KRTAP5-4: variants seen among roughly 807,000 people sequenced by gnomAD.
The protein encoded by KRTAP5-4 is keratin-associated protein 5-4.
A neutral mutation model predicts 2.6 loss-of-function variants in KRTAP5-4; 1 was observed. That is an observed-to-expected ratio of 0.39 (90% CI 0.14 to 1.85). The LOEUF is 1.85. KRTAP5-4 is among the 40% of genes most tolerant of loss of function. The pLI is 0.32. For synonymous variants in KRTAP5-4, 83 were observed against 113.1 expected, an observed-to-expected ratio of 0.73 and a Z score of 1.69; for missense variants, 195 against 276.9, an observed-to-expected ratio of 0.70 and a Z score of 2.10.
chr11:1,621,649 A>G lies in KRTAP5-4; in HGVS notation c.445T>C (p.Ser149Pro). 1 of 1,605,198 alleles carries G rather than the reference A, an allele frequency of 6.2e-7. No homozygotes were observed. The highest frequency in any genetic ancestry group is 8.5e-7 in the Non-Finnish European group (1 of 1,174,232). ...TGGCAGCAGGATGACCCACAGCCTGAAGAGAAGCAGCAGGGCTTACAGCAG... is the reference window on the plus strand; with the variant it reads ...TGGCAGCAGGATGACCCACAGCCTGGAGAGAAGCAGCAGGGCTTACAGCAG... ...CSCCKPCCFS[S>P]GCGSSCCQSS... is the part of the protein sequence containing the mutation. Residue 149 changes from serine to proline, a missense_variant, in exon 1 of 1, where the codon TCA (serine) becomes CCA (proline). Ser to Pro is a moderately conservative substitution (Grantham distance 74, BLOSUM62 -1). Coordinates refer to ENST00000399682, the MANE Select transcript of KRTAP5-4 (RefSeq NM_001347674.1).
At position 1,621,960 on chromosome 11, in the gene KRTAP5-4, C is replaced by A. The variant is rs753579543; in HGVS notation, c.134G>T (p.Cys45Phe). 1 of 1,583,742 alleles carries A rather than the reference C, an allele frequency of 6.3e-7. No individual in the cohort carries two copies. Among genetic ancestry groups the A allele is most frequent in the South Asian group, 1.1e-5 (1 of 90,172 alleles). The change falls in exon 1 of 1, where the codon TGT becomes TTT. Residue 45 changes from cysteine (C) to phenylalanine (F), a missense_variant. Cys to Phe is a radical substitution (Grantham distance 205). Coordinates refer to ENST00000399682, the MANE Select transcript of KRTAP5-4 (RefSeq NM_001347674.1). Reference sequence around the variant, plus strand: ...GATGGGCACACAGCAGCTGGAGCCACAGCCCCCACAGCCGGAGCCACAGCC... The same window carrying A: ...GATGGGCACACAGCAGCTGGAGCCAAAGCCCCCACAGCCGGAGCCACAGCC... ...CGGCGSGCGGCGSSCCVPICC... is the reference protein window; with the variant it reads ...CGGCGSGCGGFGSSCCVPICC...
Position 1,621,510 on chromosome 11 carries a change from G to T in KRTAP5-4, c.584C>A (p.Ser195Tyr). 6.2e-7 allele frequency: 1 copy of T among 1,612,724 alleles called. No homozygotes were observed. Among genetic ancestry groups the T allele is most frequent in the Non-Finnish European group, 8.5e-7 (1 of 1,179,528 alleles). The change falls in exon 1 of 1, where the codon TCC becomes TAC. Residue 195 changes from serine to tyrosine, a missense_variant. Coordinates refer to ENST00000399682, the MANE Select transcript of KRTAP5-4 (RefSeq NM_001347674.1). ...GCAGGATGACCCACAACCTGAGGAGGAGCAGCAGGGCTTACAGCAGCTGGA... is the reference window on the plus strand; with the variant it reads ...GCAGGATGACCCACAACCTGAGGAGTAGCAGCAGGGCTTACAGCAGCTGGA... ...CQSSCCKPCC[S>Y]SSGCGSSCCQ...
rs749761560 is a variant in KRTAP5-4, at chr11:1,621,352, C to T, written c.*55G>A. 2 of 1,605,186 alleles carry T rather than the reference C, an allele frequency of 1.2e-6. No homozygotes were observed. The highest frequency in any genetic ancestry group is 1.3e-5 in the African/African-American group (1 of 74,802). On this transcript the variant is annotated 3_prime_UTR_variant, in exon 1 of 1. Transcript: ENST00000399682. ...TGGGGCTCAACAATGAAGGACAGGT[C>T]ACAGCTTTGGAAGACAGGATTAGCA...
At position 1,621,848 on chromosome 11, in the gene KRTAP5-4, G is replaced by A. The variant is rs534273229; in HGVS notation, c.246C>T (p.Gly82=). 163 of 1,560,730 alleles carry A rather than the reference G, an allele frequency of 1.0e-4. No homozygotes were observed. In the African/African-American group the frequency reaches 2.1e-3, roughly 21 times the overall value. The change falls in exon 1 of 1, where the codon GGC becomes GGT. Residue 82 remains glycine (G), a synonymous_variant. Coordinates refer to ENST00000399682, the MANE Select transcript of KRTAP5-4 (RefSeq NM_001347674.1). ...AGCCCCCCTTGGAACCCCCACAAGA[G>A]CCATAGCCCCCCTTGGAGCCCCCAC... ...GSCGGSKGGY[G]SCGGSKGGCV... is the part of the protein sequence containing the mutation.
At position 1,621,794 on chromosome 11, in the gene KRTAP5-4, G is replaced by GC. The variant is rs752586291; in HGVS notation, c.299dup (p.Cys101LeufsTer43). ...CCTTGGAGCCCCCACAGGAGCCACA[G>GC]CCCCCCTTGGAACCCCCACAGGAGA... On this transcript the variant is annotated frameshift_variant, in exon 1 of 1. Coordinates refer to ENST00000399682, the MANE Select transcript of KRTAP5-4 (RefSeq NM_001347674.1). LOFTEE classifies it low-confidence loss of function (END_TRUNC). 1.3e-6 allele frequency: 2 copies of GC among 1,556,138 alleles called. No homozygotes were observed. Among genetic ancestry groups the GC allele is most frequent in the Non-Finnish European group, 1.7e-6 (2 of 1,153,588 alleles).
rs572938111 is a variant in KRTAP5-4, at chr11:1,621,977, G to A, written c.117C>T (p.Gly39=). The A allele has an allele frequency of 7.0e-6, 11 of 1,575,814 alleles. No individual in the cohort carries two copies. The highest frequency in any genetic ancestry group is 9.5e-6 in the Non-Finnish European group (11 of 1,156,752). Residue 39 remains glycine (G), a synonymous_variant, in exon 1 of 1, where the codon GGC becomes GGT. Transcript: ENST00000399682. ...TGGAGCCACAGCCCCCACAGCCGGA[G>A]CCACAGCCCCCACAGCCGGAGCCAC... The part of the protein sequence containing the change: ...GGCGSGCGGC[G]SGCGGCGSSC...
In KRTAP5-4 at chr11:1,621,251, G is replaced by A. The variant is rs138375927; in HGVS notation, c.*156C>T. On this transcript the variant is annotated 3_prime_UTR_variant, in exon 1 of 1. Transcript: ENST00000399682. ...TAGGAGAGACAATGGACATTAATTA[G>A]GGTGGACTCTTCTTAGGAAAAGGCA... is the stretch of plus-strand genomic sequence containing the variant. The A allele has an allele frequency of 7.2e-7, 1 of 1,386,064 alleles. No individual in the cohort carries two copies. Among genetic ancestry groups the A allele is most frequent in the East Asian group, 2.4e-5 (1 of 41,116 alleles). 85.9% of individuals were successfully genotyped at this position (1,386,064 alleles called of 1,614,324 possible).
chr11:1,621,177 T>G lies in KRTAP5-4; in HGVS notation c.*230A>C. The G allele has an allele frequency of 3.6e-6, 3 of 826,894 alleles. No homozygotes were observed. Among genetic ancestry groups the G allele is most frequent in the Non-Finnish European group, 5.5e-6 (3 of 541,820 alleles). 51.2% of individuals were successfully genotyped at this position (826,894 alleles called of 1,614,324 possible). ...GATGAGCAAAGGCGAGGCTAGTGGG[T>G]GAGGGGTGATTCAGCTGCAATTGCA... On this transcript the variant is annotated 3_prime_UTR_variant, in exon 1 of 1. Coordinates refer to ENST00000399682, the MANE Select transcript of KRTAP5-4 (RefSeq NM_001347674.1).
rs745670992 is a variant in KRTAP5-4 at position 1,621,825 on chromosome 11, C to T, written c.269G>A (p.Gly90Asp). The change falls in exon 1 of 1, where the codon GGC (glycine) becomes GAC (aspartate). Residue 90 changes from glycine (G) to aspartate (D), a missense_variant. By Grantham distance (94) the Gly-to-Asp change is moderately conservative. Transcript: ENST00000399682. The part of the protein sequence containing the change: ...GYGSCGGSKG[G>D]CVSCGGSKGG... ...CTTGGAACCCCCACAGGAGACACAGCCCCCCTTGGAACCCCCACAAGAGCC... is the reference window on the plus strand; with the variant it reads ...CTTGGAACCCCCACAGGAGACACAGTCCCCCTTGGAACCCCCACAAGAGCC... The T allele has an allele frequency of 2.0e-6, 3 of 1,531,978 alleles. No individual in the cohort carries two copies. Among genetic ancestry groups the T allele is most frequent in the Non-Finnish European group, 2.6e-6 (3 of 1,133,236 alleles). The allele number at this position is 1,531,978 out of a possible 1,614,324, so 94.9% of individuals were successfully genotyped here.
In KRTAP5-4 at chr11:1,622,094, G is replaced by C. The variant is rs755754937; in HGVS notation, c.-1C>G. On this transcript the variant is annotated 5_prime_UTR_variant, in exon 1 of 1. Coordinates refer to ENST00000399682, the MANE Select transcript of KRTAP5-4 (RefSeq NM_001347674.1). ...CTCCAGAGCAGCCACAGCAGCCCATGGTTCTGGTGGATTGAGGGTGGAGCA... is the reference window on the plus strand; with the variant it reads ...CTCCAGAGCAGCCACAGCAGCCCATCGTTCTGGTGGATTGAGGGTGGAGCA... 1.2e-6 allele frequency: 2 copies of C among 1,611,590 alleles called. No individual in the cohort carries two copies. The highest frequency in any genetic ancestry group is 4.5e-5 in the East Asian group (2 of 44,844).
Position 1,620,982 on chromosome 11 carries a change from CAAAAAAAAAAAAA to C in KRTAP5-4, c.*412_*424del, listed in dbSNP as rs60019828. ...TGGGTGACAGTGCGAGACTCCATCT[CAAAAAAAAAAAAA>C]AAAAAAAAAAGATACAGCAGAGTGT... On this transcript the variant is annotated 3_prime_UTR_variant, in exon 1 of 1. Coordinates refer to ENST00000399682, the MANE Select transcript of KRTAP5-4 (RefSeq NM_001347674.1). The C allele has an allele frequency of 4.3e-5, 3 of 70,388 alleles. No individual in the cohort carries two copies. The highest frequency in any genetic ancestry group is 4.0e-4 in the South Asian group (1 of 2,500). 4.4% of individuals were successfully genotyped at this position (70,388 alleles called of 1,614,324 possible).
In KRTAP5-4 at chr11:1,622,049, C is replaced by G. The variant is rs551852315; in HGVS notation, c.45G>C (p.Gly15=). Residue 15 remains glycine, a synonymous_variant, in exon 1 of 1, where the codon GGG becomes GGC. Transcript: ENST00000399682. The stretch of plus-strand genomic sequence containing the variant: ...AGCCCCCACAGCCGGAGCCACAGCC[C>G]CCACAGCCGGAGCCACAGCCTCCAG... ...GCSGGCGSGC[G]GCGSGCGGCG... is the part of the protein sequence containing the mutation. The G allele has an allele frequency of 5.0e-5, 80 of 1,598,666 alleles. No homozygotes were observed. In the African/African-American group the frequency reaches 7.7e-4, roughly 15 times the overall value.
chr11:1,621,454 A>T lies in KRTAP5-4; in HGVS notation c.640T>A (p.Ser214Thr), dbSNP rs1162820721. Residue 214 changes from serine to threonine, a missense_variant, in exon 1 of 1, where the codon TCC (serine) becomes ACC (threonine). Coordinates refer to ENST00000399682, the MANE Select transcript of KRTAP5-4 (RefSeq NM_001347674.1). ...ACAGGGACACAGCAACTAGACTGGG[A>T]GCAGCAGGGATTGCAGCAACTGGAC... ...CQSSCCNPCC[S>T]QSSCCVPVCC... 1 of 1,614,042 alleles carries T rather than the reference A, an allele frequency of 6.2e-7. No individual in the cohort carries two copies. Among genetic ancestry groups the T allele is most frequent in the Non-Finnish European group, 8.5e-7 (1 of 1,180,036 alleles).
In KRTAP5-4 at chr11:1,621,669, C is replaced by A. The variant is rs528402900; in HGVS notation, c.425G>T (p.Cys142Phe). Residue 142 changes from cysteine to phenylalanine, a missense_variant, in exon 1 of 1, where the codon TGT becomes TTT. Physicochemically the swap from Cys to Phe is radical, Grantham distance 205. Transcript: ENST00000399682. Reference sequence around the variant, plus strand: ...GCCTGAAGAGAAGCAGCAGGGCTTACAGCAGCTGCACTGGGAGCAGCCACA... The same window carrying A: ...GCCTGAAGAGAAGCAGCAGGGCTTAAAGCAGCTGCACTGGGAGCAGCCACA... ...GSCGCSQCSCCKPCCFSSGCG... is the reference protein window; with the variant it reads ...GSCGCSQCSCFKPCCFSSGCG... 2 of 1,612,846 alleles carry A rather than the reference C, an allele frequency of 1.2e-6. No individual in the cohort carries two copies. Among genetic ancestry groups the A allele is most frequent in the African/African-American group, 2.7e-5 (2 of 74,820 alleles).
chr11:1,621,600 C>T lies in KRTAP5-4; in HGVS notation c.494G>A (p.Cys165Tyr), dbSNP rs748370368. ...CCQSSCCKPC[C>Y]SSSGCGSSCC... ...GGATGACCCACAACCTGAGGAGGAG[C>T]AGCAGGGCTTACAGCAGCTGGACTG... Residue 165 changes from cysteine to tyrosine, a missense_variant, in exon 1 of 1, where the codon TGC (cysteine) becomes TAC (tyrosine). Cys to Tyr is a radical substitution (Grantham distance 194). Transcript: ENST00000399682. 6.8e-6 allele frequency: 11 copies of T among 1,613,856 alleles called. No individual in the cohort carries two copies. The highest frequency in any genetic ancestry group is 1.7e-4 in the Middle Eastern group (1 of 6,054).
rs1849610640 is a variant in KRTAP5-4, at chr11:1,621,897, C to G, written c.197G>C (p.Cys66Ser). Residue 66 changes from cysteine to serine, a missense_variant, in exon 1 of 1, where the codon TGT (cysteine) becomes TCT (serine). By Grantham distance (112) the Cys-to-Ser change is moderately radical. Transcript: ENST00000399682. ...CKPVCCCVPA[C>S]SCSSCGSCGG... ...ACAGGAGCCACAGCTGGAGCAGGAA[C>G]AGGCTGGCACACAGCAGCACACAGG... 6.2e-7 allele frequency: 1 copy of G among 1,602,718 alleles called. No individual in the cohort carries two copies. The highest frequency in any genetic ancestry group is 8.5e-7 in the Non-Finnish European group (1 of 1,175,856).
chr11:1,621,368 A>C lies in KRTAP5-4; in HGVS notation c.*39T>G. The C allele has an allele frequency of 6.2e-7, 1 of 1,610,072 alleles. No homozygotes were observed. The highest frequency in any genetic ancestry group is 2.2e-5 in the East Asian group (1 of 44,804). On this transcript the variant is annotated 3_prime_UTR_variant, in exon 1 of 1. Transcript: ENST00000399682. ...AGGACAGGTCACAGCTTTGGAAGAC[A>C]GGATTAGCAGGACTCACATGAGGCC... is the stretch of plus-strand genomic sequence containing the variant.
In KRTAP5-4 at chr11:1,621,276, A is replaced by C; in HGVS notation, c.*131T>G. ...GGGTGGACTCTTCTTAGGAAAAGGC[A>C]GCCAGATATGGCATCGTTCTACAGC... On this transcript the variant is annotated 3_prime_UTR_variant, in exon 1 of 1. Transcript: ENST00000399682. The C allele has an allele frequency of 6.6e-7, 1 of 1,515,966 alleles. No homozygotes were observed. The highest frequency in any genetic ancestry group is 1.3e-5 in the South Asian group (1 of 76,640). The allele number at this position is 1,515,966 out of a possible 1,614,324, so 93.9% of individuals were successfully genotyped here. A position where few individuals can be genotyped will look rare whatever the true frequency, so the allele number is the denominator to read the frequency against.
Position 1,621,889 on chromosome 11 carries a change from A to T in KRTAP5-4, c.205T>A (p.Ser69Thr), listed in dbSNP as rs1317830065. The change falls in exon 1 of 1, where the codon TCC becomes ACC. Residue 69 changes from serine (S) to threonine (T), a missense_variant. Physicochemically the swap from Ser to Thr is moderately conservative, Grantham distance 58. Transcript: ENST00000399682. ...GAGCCCCCACAGGAGCCACAGCTGGAGCAGGAACAGGCTGGCACACAGCAG... is the reference window on the plus strand; with the variant it reads ...GAGCCCCCACAGGAGCCACAGCTGGTGCAGGAACAGGCTGGCACACAGCAG... ...VCCCVPACSC[S>T]SCGSCGGSKG... The T allele has an allele frequency of 3.5e-6, 5 of 1,425,502 alleles. No individual in the cohort carries two copies. The highest frequency in any genetic ancestry group is 4.7e-6 in the Non-Finnish European group (5 of 1,066,796). 88.3% of individuals were successfully genotyped at this position (1,425,502 alleles called of 1,614,324 possible). A position where few individuals can be genotyped will look rare whatever the true frequency, so the allele number is the denominator to read the frequency against.
Sources: allele counts gnomAD v4.1 joint callset, GRCh38; gene constraint gnomAD v4.1.1; transcripts MANE v1.5; gene names NCBI Gene and HGNC (gene_info 2026-07-23, HGNC 2026-07-21).